Variants in ARHGAP32 observed in about 807,000 individuals in gnomAD.
ARHGAP32 encodes the protein rho GTPase-activating protein 32.
A neutral mutation model predicts 186.5 loss-of-function variants in ARHGAP32; 51 were observed. That is an observed-to-expected ratio of 0.27 (90% CI 0.22 to 0.35). The LOEUF (loss-of-function observed/expected upper bound fraction) is 0.35, where lower values mean the gene tolerates loss of function less well. Among genes scored for constraint, ARHGAP32 ranks in the 10% least tolerant of loss-of-function variants. The probability of loss-of-function intolerance (pLI) is 1.00; values close to 1 mark genes in which losing one functional copy is unlikely to be tolerated. For synonymous variants in ARHGAP32, 950 were observed against 964.3 expected (o/e 0.99, Z 0.27); for missense variants, 2,186 against 2,623.5 (o/e 0.83, Z 3.64).
In ARHGAP32 at chr11:128,969,166, C is replaced by T. The variant is rs1164124132; in HGVS notation, c.6047G>A (p.Ser2016Asn). 9.9e-6 allele frequency: 16 copies of T among 1,613,210 alleles called. No homozygotes were observed. Among genetic ancestry groups the T allele is most frequent in the Non-Finnish European group, 1.3e-5 (15 of 1,179,588 alleles). ...HHTQNVERDP[S>N]VLYQYQPHGK... ...GTGTGGTTGGTACTGGTACAGCACA[C>T]TGGGGTCCCTCTCCACGTTCTGGGT... The change falls in exon 23 of 23, where the codon AGT (serine) becomes AAT (asparagine). Residue 2016 changes from serine to asparagine, a missense_variant. Physicochemically the swap from Ser to Asn is conservative, Grantham distance 46 (BLOSUM62 1). This residue lies in a region of ARHGAP32 where 1,502 missense variants were observed against 1,570.0 expected (regional missense o/e 0.96). Coordinates refer to ENST00000682385, the MANE Select transcript of ARHGAP32 (RefSeq NM_001378024.1). The surrounding 1 kb of genome is among the most constrained non-coding windows in gnomAD (Gnocchi z 4.8).
intron 7 of ARHGAP32, 93 bp from the exon 8 acceptor site, chr11:129,065,026 G>A (rs1940639679): frequency 3.0e-6 from 3 of 1,004,810 alleles, no homozygotes; most frequent in African/African-American, 1.6e-5. Context: ...AAAATCTATA[G>A]ATCTTTAGGC....
intron 1 of ARHGAP32, among the ~76,000 whole-genome samples, chr11:129,204,927 T>C (rs1168142676): frequency 1.3e-5 from 2 of 152,210 alleles, no homozygotes; most frequent in Non-Finnish European, 1.5e-5. Context: ...TTTAAGTTCC[T>C]GCCTGCTCAT....
At chr11:129,278,328 A>G (rs2135738862) in intron 1 of ARHGAP32, among the ~76,000 whole-genome samples, 1 of 152,260 alleles carries the variant, frequency 6.6e-6, no homozygotes, top group East Asian at 1.9e-4. Flanking sequence ...TCCAAATTCT[A>G]TTTCCTAAAA....
rs1055563722 is a variant in ARHGAP32 at position 128,970,716 on chromosome 11, G to A, written c.4497C>T (p.Pro1499=). The change falls in exon 23 of 23, where the codon CCC becomes CCT. Residue 1499 remains proline, a synonymous_variant. Coordinates refer to ENST00000682385, the MANE Select transcript of ARHGAP32 (RefSeq NM_001378024.1). This position sits in a 1 kb window ranked among gnomAD's most constrained non-coding sequence, Gnocchi z 5.8. ...SFARPDVTTE[P]FGPDNCLHFN... is the part of the protein sequence containing the mutation. Reference sequence around the variant, plus strand: ...AATGCAAACAGTTATCTGGACCAAAGGGTTCAGTGGTGACATCGGGCCTAG... The same window carrying A: ...AATGCAAACAGTTATCTGGACCAAAAGGTTCAGTGGTGACATCGGGCCTAG... The A allele has an allele frequency of 1.9e-5, 31 of 1,614,084 alleles. No individual in the cohort carries two copies. The highest frequency in any genetic ancestry group is 2.6e-5 in the Non-Finnish European group (31 of 1,180,040).
chr11:128,974,945 G>T lies in ARHGAP32; in HGVS notation c.2252C>A (p.Ala751Asp). 1 of 1,613,882 alleles carries T rather than the reference G, an allele frequency of 6.2e-7. No individual in the cohort carries two copies. Among genetic ancestry groups the T allele is most frequent in the East Asian group, 2.2e-5 (1 of 44,890 alleles). ...CCCCAGCATTTCTCCATTAAAAGAG[G>T]CAGACAGTGCATCACTGGAAGATCT... ...RPRSSSDALS[A>D]SFNGEMLGNR... is the part of the protein sequence containing the mutation. The change falls in exon 21 of 23, where the codon GCC (alanine) becomes GAC (aspartate). Residue 751 changes from alanine (A) to aspartate (D), a missense_variant. By Grantham distance (126) the Ala-to-Asp change is moderately radical (BLOSUM62 -2). Coordinates refer to ENST00000682385, the MANE Select transcript of ARHGAP32 (RefSeq NM_001378024.1).
At chr11:129,188,671 T>C (rs925919330) in intron 1 of ARHGAP32, among the ~76,000 whole-genome samples, 1 of 151,384 alleles carries the variant, frequency 6.6e-6, no homozygotes, top group Admixed American at 6.6e-5. Flanking sequence ...AGTTCTATAA[T>C]GCTATAAATC....
intron 10 of ARHGAP32, among the ~76,000 whole-genome samples, chr11:129,047,372 A>G (rs950412529): frequency 6.6e-6 from 1 of 152,166 alleles, no homozygotes; most frequent in African/African-American, 2.4e-5. Context: ...TTGATATTCT[A>G]TAACAACAAA....
At position 128,968,813 on chromosome 11, in the gene ARHGAP32, T is replaced by C. The variant is rs573119460; in HGVS notation, c.*94A>G. ...ATTTTTTAAATGTGGTCAGGGGTTT[T>C]ATAGTATTTTTTGTTTAATCTTTTT... On this transcript the variant is annotated 3_prime_UTR_variant, in exon 23 of 23. Coordinates refer to ENST00000682385, the MANE Select transcript of ARHGAP32 (RefSeq NM_001378024.1). The C allele has an allele frequency of 1.2e-4, 121 of 1,027,132 alleles. No homozygotes were observed. The highest frequency in any genetic ancestry group is 3.4e-4 in the Middle Eastern group (1 of 2,926). 63.6% of individuals were successfully genotyped at this position (1,027,132 alleles called of 1,614,324 possible).
intron 10 of ARHGAP32, among the ~76,000 whole-genome samples, chr11:129,053,452 T>A: frequency 6.6e-6 from 1 of 152,258 alleles, no homozygotes. Flanking sequence ...TAGAACCAGA[T>A]GGTCCACTAT....
chr11:129,101,282 C>G (rs1484198112), intron 5 of ARHGAP32, among the ~76,000 whole-genome samples: 1 of 152,234 alleles, frequency 6.6e-6, no homozygotes, highest in Admixed American at 6.5e-5. Context: ...GCACAAGAAC[C>G]CTGAAAACTC....
chr11:129,006,675 C>T (rs761568716), intron 11 of ARHGAP32, among the ~76,000 whole-genome samples: 1 of 152,084 alleles, frequency 6.6e-6, no homozygotes, highest in Non-Finnish European at 1.5e-5. Flanking sequence ...CTGGGTCAAA[C>T]CCAAAGCCAG....
chr11:129,072,047 G>A (rs1464815168), intron 6 of ARHGAP32, among the ~76,000 whole-genome samples: 1 of 152,168 alleles, frequency 6.6e-6, no homozygotes, highest in Non-Finnish European at 1.5e-5. Context: ...AACATGAGCT[G>A]AGGATAGGGA....
intron 5 of ARHGAP32, among the ~76,000 whole-genome samples, chr11:129,115,772 T>A (rs997819978): frequency 6.6e-6 from 1 of 152,028 alleles, no homozygotes. Flanking sequence ...AAGTTTTCTC[T>A]CTCCCCCAAG....
At chr11:129,057,455 T>C (rs368479619) in intron 10 of ARHGAP32, among the ~76,000 whole-genome samples, 32 of 152,100 alleles carry the variant, frequency 2.1e-4, no homozygotes, top group African/African-American at 5.3e-4. Context: ...TCAGGACTGG[T>C]TGACATCTAT....
rs549535816 is a variant in ARHGAP32, at chr11:129,037,652, G to A, written c.1045+3276C>T. The stretch of plus-strand genomic sequence containing the variant: ...AATCCCATCCTACTCTGTAGAAACT[G>A]ACAAGCTGATTCTAAAGCCATAAGG... On this transcript the variant is annotated intron_variant, in intron 11 of 22. Transcript: ENST00000682385. Among the ~76,000 whole-genome samples, 8 of 151,942 alleles carry A rather than the reference G, an allele frequency of 5.3e-5. No individual in the cohort carries two copies. The East Asian group carries it at 1.5e-3, about 29-fold the overall frequency.
chr11:129,094,793 T>C (rs1245611195), intron 5 of ARHGAP32, among the ~76,000 whole-genome samples: 1 of 152,218 alleles, frequency 6.6e-6, no homozygotes, highest in Non-Finnish European at 1.5e-5. Context: ...GTCCCAGAGA[T>C]GGACAACCCT....
intron 1 of ARHGAP32, among the ~76,000 whole-genome samples, chr11:129,167,157 TA>T (rs1379781255): frequency 6.6e-6 from 1 of 151,674 alleles, no homozygotes; most frequent in African/African-American, 2.4e-5. Flanking sequence ...ACAAGGCAAA[TA>T]AAAACAAATA....
intron 11 of ARHGAP32, among the ~76,000 whole-genome samples, chr11:129,031,617 G>A (rs979387153): frequency 1.3e-5 from 2 of 152,200 alleles, no homozygotes; most frequent in East Asian, 1.9e-4. Context: ...TTCATATTCT[G>A]CAAAATAATA....
At chr11:129,256,986 A>C (rs2135702515) in intron 1 of ARHGAP32, among the ~76,000 whole-genome samples, 1 of 152,284 alleles carries the variant, frequency 6.6e-6, no homozygotes, top group Middle Eastern at 3.4e-3. Context: ...GAAATGGCTA[A>C]AAGGGCTTTC....
Sources: allele counts gnomAD v4.1 joint callset (sites outside exome capture counted in the v4.1 genomes callset), GRCh38; gene constraint gnomAD v4.1.1; regional missense constraint gnomAD v4.1.1; non-coding constraint Gnocchi (gnomAD v3.1); transcripts MANE v1.5; gene names NCBI Gene and HGNC (gene_info 2026-07-23, HGNC 2026-07-21).